Variants in NSD3 observed in about 807,000 individuals in gnomAD.
The protein encoded by NSD3 is histone-lysine N-methyltransferase NSD3.
Under a neutral mutation model 160.8 loss-of-function variants are expected in NSD3, and 24 were observed. The observed-to-expected ratio is 0.15, with a 90% CI of 0.11 to 0.21. The LOEUF is 0.21. Among genes scored for constraint, NSD3 ranks in the 10% least tolerant of loss-of-function variants. The pLI is 1.00. For synonymous variants in NSD3, 520 were observed against 600.0 expected, an observed-to-expected ratio of 0.87 and a Z score of 1.95; for missense variants, 1,157 against 1,735.9, an observed-to-expected ratio of 0.67 and a Z score of 5.93.
intron 19 of NSD3, among the ~76,000 whole-genome samples, chr8:38,283,914 C>G (rs1247796406): frequency 1.3e-5 from 2 of 151,926 alleles, no homozygotes; most frequent in Non-Finnish European, 2.9e-5. Flanking sequence ...TCAGCCTGGG[C>G]AACACAGTGA....
intron 1 of NSD3, chr8:38,380,487 A>G (rs568124981): frequency 6.6e-6 from 1 of 152,238 alleles, no homozygotes; most frequent in Non-Finnish European, 1.5e-5. Context: ...CGAATTTTCA[A>G]TACGTAAAAG....
chr8:38,381,784 GC>G lies in NSD3; in HGVS notation c.-45+14del, dbSNP rs1811588512. 6.7e-6 allele frequency: 1 copy of G among 148,884 alleles called. No individual in the cohort carries two copies. Among genetic ancestry groups the G allele is most frequent in the Non-Finnish European group, 1.5e-5 (1 of 68,148 alleles). 9.2% of individuals were successfully genotyped at this position (148,884 alleles called of 1,614,324 possible). A position where few individuals can be genotyped will look rare whatever the true frequency, so the allele number is the denominator to read the frequency against. ...CACACACACACACACATACACACAC[GC>G]ACACGCACTTTACCTTCAGTTTGTT... is the stretch of plus-strand genomic sequence containing the variant. On this transcript the variant is annotated intron_variant, in intron 1 of 23. Transcript: ENST00000317025.
At chr8:38,350,668 G>A (rs1277912688) in intron 1 of NSD3, among the ~76,000 whole-genome samples, 1 of 152,106 alleles carries the variant, frequency 6.6e-6, no homozygotes, top group Non-Finnish European at 1.5e-5. Flanking sequence ...GATTCTAATT[G>A]AATAAATCTG....
At chr8:38,327,335 C>T (rs918722111) in intron 6 of NSD3, among the ~76,000 whole-genome samples, 2 of 151,924 alleles carry the variant, frequency 1.3e-5, no homozygotes, top group Non-Finnish European at 2.9e-5. Context: ...GGATTACAGG[C>T]GTTAGCCACC....
chr8:38,321,196 A>C lies in NSD3; in HGVS notation c.1709-24T>G. The C allele has an allele frequency of 6.3e-7, 1 of 1,594,300 alleles. No homozygotes were observed. Among genetic ancestry groups the C allele is most frequent in the South Asian group, 1.1e-5 (1 of 89,300 alleles). On this transcript the variant is annotated intron_variant, in intron 7 of 23. Transcript: ENST00000317025. This position sits in a 1 kb window ranked among gnomAD's most constrained non-coding sequence, Gnocchi z 4.7. ...GCCTAAGAAATGATTTAAACACACA[A>C]ACAAAAACTCACTTAAGGATACCTT...
At position 38,288,741 on chromosome 8, in the gene NSD3, C is replaced by T. The variant is rs1808923226; in HGVS notation, c.3247G>A (p.Gly1083Arg). The T allele has an allele frequency of 1.9e-6, 3 of 1,612,682 alleles. No homozygotes were observed. The East Asian group carries it at 6.7e-5, about 36-fold the overall frequency. The change falls in exon 19 of 24, where the codon GGA (glycine) becomes AGA (arginine). Residue 1083 changes from glycine to arginine, a missense_variant. Gly to Arg is a moderately radical substitution (Grantham distance 125). Around this residue, in one of 10 missense-constraint regions of NSD3, gnomAD observed 437 missense variants for 576.6 expected, o/e 0.76. Transcript: ENST00000317025. This position sits in a 1 kb window ranked among gnomAD's most constrained non-coding sequence, Gnocchi z 4.5. ...TCAGCAACCTGGATCTGCACCTTTC[C>T]TATTACTTTGTTAGCCTAGAAAACA... ...YKHIKANKVIGKVQIQVADLS... is the reference protein window; with the variant it reads ...YKHIKANKVIRKVQIQVADLS...
intron 1 of NSD3, among the ~76,000 whole-genome samples, chr8:38,373,380 G>A (rs960965276): frequency 2.0e-5 from 3 of 151,970 alleles, no homozygotes; most frequent in Non-Finnish European, 4.4e-5. Context: ...GTGCCACCAC[G>A]CCTAATTTTT....
In NSD3 at chr8:38,293,922, C is replaced by CAAA. The variant is rs11290856; in HGVS notation, c.2915+1871_2915+1873dup. On this transcript the variant is annotated intron_variant, in intron 16 of 23. Coordinates refer to ENST00000317025, the MANE Select transcript of NSD3 (RefSeq NM_023034.2). ...TGGGTGACAGAGTGAGACTCCGTCT[C>CAAA]AAAAAAAAAAAAAAAAAAAAAAAAA... 6.0e-3 allele frequency among the ~76,000 whole-genome samples: 302 copies of CAAA among 49,978 alleles called. 7 individuals are homozygous for CAAA. Among genetic ancestry groups the CAAA allele is most frequent in the East Asian group, 0.012 (12 of 1,036 alleles). The allele number at this position is 49,978 out of a possible 152,430, so 32.8% of individuals were successfully genotyped here. A position where few individuals can be genotyped will look rare whatever the true frequency, so the allele number is the denominator to read the frequency against.
At position 38,295,946 on chromosome 8, in the gene NSD3, C is replaced by T. The variant is rs972730167; in HGVS notation, c.2765G>A (p.Arg922Lys). The T allele has an allele frequency of 4.3e-6, 7 of 1,609,570 alleles. No homozygotes were observed. Among genetic ancestry groups the T allele is most frequent in the Admixed American group, 3.4e-5 (2 of 58,786 alleles). Reference protein sequence around the residue: ...ASKKKCEKGGRLLCCESCPAS... With the variant: ...ASKKKCEKGGKLLCCESCPAS... The stretch of plus-strand genomic sequence containing the variant: ...TGGGCACGATTCACAGCAGAGCAAT[C>T]TTCCACCTTGAAACAAATAAACAGT... The change falls in exon 16 of 24, where the codon AGA (arginine) becomes AAA (lysine). Residue 922 changes from arginine to lysine, a missense_variant. This residue lies in a region of NSD3 where 437 missense variants were observed against 576.6 expected (regional missense o/e 0.76). Transcript: ENST00000317025.
At chr8:38,379,033 T>G (rs1811472645) in intron 1 of NSD3, among the ~76,000 whole-genome samples, 1 of 151,960 alleles carries the variant, frequency 6.6e-6, no homozygotes. Context: ...TCAAAGACAG[T>G]TTCCTTTATC....
chr8:38,281,343 ACT>A, intron 20 of NSD3, 122 bp downstream of exon 20: 1 of 454,482 alleles, frequency 2.2e-6, no homozygotes, highest in Non-Finnish European at 3.8e-6. Flanking sequence ...CACACTAGCT[ACT>A]GCAAATCATT....
Position 38,347,818 on chromosome 8 carries a change from G to A in NSD3, c.354C>T (p.Asn118=), listed in dbSNP as rs1181862806. Residue 118 remains asparagine, a synonymous_variant, in exon 2 of 24, where the codon AAC becomes AAT. Transcript: ENST00000317025. ...PTDYYHSEIP[N]TRPHEILEKP... ...TTTCCAGAATTTCATGTGGTCTTGTGTTTGGAATTTCTGAATGATAATAGT... is the reference window on the plus strand; with the variant it reads ...TTTCCAGAATTTCATGTGGTCTTGTATTTGGAATTTCTGAATGATAATAGT... 1.2e-6 allele frequency: 2 copies of A among 1,614,104 alleles called. No individual in the cohort carries two copies. Among genetic ancestry groups the A allele is most frequent in the Admixed American group, 1.7e-5 (1 of 60,020 alleles).
chr8:38,276,300 T>C lies in NSD3; in HGVS notation c.4068A>G (p.Pro1356=), dbSNP rs369328542. 18 of 1,613,982 alleles carry C rather than the reference T, an allele frequency of 1.1e-5. No individual in the cohort carries two copies. The African/African-American group carries it at 1.6e-4, about 14-fold the overall frequency. ...GGTCCTGAAGGTCCAGCTTACCATA[T>C]GGTGGCTGAGTCAGGTTAAGGCATA... ...HLLCLNLTQP[P]YGKWECPWHQ... is the part of the protein sequence containing the mutation. Residue 1356 remains proline, a synonymous_variant, in exon 23 of 24, where the codon CCA becomes CCG. Transcript: ENST00000317025.
chr8:38,278,419 C>T lies in NSD3; in HGVS notation c.3761-7G>A. ...TTAAATGTTAACTCCATCCCTGAAA[C>T]ACAGGAGAAATAATTATTCAAACTC... On this transcript the variant is annotated splice_region_variant and splice_polypyrimidine_tract_variant and intron_variant, in intron 21 of 23. Coordinates refer to ENST00000317025, the MANE Select transcript of NSD3 (RefSeq NM_023034.2). The T allele has an allele frequency of 1.2e-6, 2 of 1,605,956 alleles. No individual in the cohort carries two copies. The highest frequency in any genetic ancestry group is 1.7e-6 in the Non-Finnish European group (2 of 1,175,340).
intron 20 of NSD3, among the ~76,000 whole-genome samples, chr8:38,280,755 CTTTT>C (rs780082168): frequency 7.2e-6 from 1 of 138,636 alleles, no homozygotes. Context: ...TCATTATTTT[CTTTT>C]TTTTTTTTTT....
intron 22 of NSD3, among the ~76,000 whole-genome samples, chr8:38,277,894 T>C (rs7845911): frequency 0.21 from 31,691 of 151,766 alleles, 3,530 homozygotes; most frequent in East Asian, 0.31. Context: ...AGGTGCCCAA[T>C]TGCCAGCAGG....
At chr8:38,287,242 A>T in intron 19 of NSD3, among the ~76,000 whole-genome samples, 2 of 152,326 alleles carry the variant, frequency 1.3e-5, no homozygotes, top group Middle Eastern at 6.8e-3. Context: ...AATAGGTTAA[A>T]TTATTTATTT....
intron 20 of NSD3, among the ~76,000 whole-genome samples, chr8:38,281,108 A>G (rs1808723632): frequency 6.6e-6 from 1 of 152,154 alleles, no homozygotes; most frequent in East Asian, 1.9e-4. Context: ...GTAGAACTTT[A>G]ATAACGGTGG....
intron 1 of NSD3, among the ~76,000 whole-genome samples, chr8:38,351,629 T>A (rs1810703509): frequency 6.6e-6 from 1 of 150,774 alleles, no homozygotes; most frequent in Non-Finnish European, 1.5e-5. Context: ...CACCATTGCA[T>A]TCCAGCCTGG....
Sources: allele counts gnomAD v4.1 joint callset (sites outside exome capture counted in the v4.1 genomes callset), GRCh38; gene constraint gnomAD v4.1.1; regional missense constraint gnomAD v4.1.1; non-coding constraint Gnocchi (gnomAD v3.1); transcripts MANE v1.5; gene names NCBI Gene and HGNC (gene_info 2026-07-23, HGNC 2026-07-21).